TIAM1: variants seen among roughly 807,000 people sequenced by gnomAD.
TIAM1 encodes the protein rho guanine nucleotide exchange factor TIAM1.
Under a neutral mutation model 163.5 loss-of-function variants are expected in TIAM1, and 65 were observed. The ratio of observed to expected loss-of-function variants is 0.40; its 90% confidence interval spans 0.33 to 0.49. TIAM1 has a LOEUF of 0.49. Among genes scored for constraint, TIAM1 ranks in the 20% least tolerant of loss-of-function variants. The probability of loss-of-function intolerance (pLI) is 0.77; values close to 1 mark genes in which losing one functional copy is unlikely to be tolerated. For missense variants in TIAM1, 1,789 were observed against 2,044.7 expected (o/e 0.87, Z 2.41); for synonymous variants, 833 against 810.1 (o/e 1.03, Z -0.48).
chr21:31,258,631 A>G (rs915364614), intron 4 of TIAM1, among the ~76,000 whole-genome samples: 1 of 152,154 alleles, frequency 6.6e-6, no homozygotes, highest in Non-Finnish European at 1.5e-5. Flanking sequence ...AGAGATCTAG[A>G]CCATCCTGGC....
At chr21:31,377,617 T>C (rs2076709545) in intron 2 of TIAM1, among the ~76,000 whole-genome samples, 2 of 152,182 alleles carry the variant, frequency 1.3e-5, no homozygotes, top group Admixed American at 1.3e-4. Context: ...TTTATTCTTT[T>C]TGTCTCATTG....
intron 1 of TIAM1, among the ~76,000 whole-genome samples, chr21:31,498,933 G>A (rs987435505): frequency 2.2e-5 from 3 of 136,794 alleles, no homozygotes; most frequent in Admixed American, 7.8e-5. Context: ...GCTACAGAGC[G>A]AGACTCCATC....
At chr21:31,261,840 C>A (rs1601744736) in intron 4 of TIAM1, among the ~76,000 whole-genome samples, 1 of 152,194 alleles carries the variant, frequency 6.6e-6, no homozygotes, top group Non-Finnish European at 1.5e-5. Context: ...CAGCACCACA[C>A]CTGGCTAGGG....
intron 1 of TIAM1, among the ~76,000 whole-genome samples, chr21:31,533,561 C>A (rs2048034857): frequency 6.6e-6 from 1 of 151,762 alleles, no homozygotes; most frequent in Non-Finnish European, 1.5e-5. Context: ...CAAGACAAGC[C>A]CACTTACAAA....
intron 1 of TIAM1, among the ~76,000 whole-genome samples, chr21:31,499,824 TGGGCAACAGAAC>T (rs2046789655): frequency 6.7e-6 from 1 of 149,592 alleles, no homozygotes; most frequent in Non-Finnish European, 1.5e-5. Flanking sequence ...CACTCCAGCC[TGGGCAACAGAAC>T]AAGACTCCGT....
chr21:31,407,973 T>A (rs140693796), intron 2 of TIAM1, among the ~76,000 whole-genome samples: 1 of 152,144 alleles, frequency 6.6e-6, no homozygotes, highest in East Asian at 1.9e-4. Context: ...AAGGAATCAG[T>A]GAATGGCTGA....
chr21:31,544,469 A>T (rs1369342908), intron 1 of TIAM1, among the ~76,000 whole-genome samples: 1 of 150,492 alleles, frequency 6.6e-6, no homozygotes, highest in Admixed American at 6.6e-5. Context: ...CCCCTACAAA[A>T]ATACAAAAAT....
chr21:31,187,238 T>C, intron 13 of TIAM1, 151 bp from the exon 14 acceptor site: 1 of 694,058 alleles, frequency 1.4e-6, no homozygotes, highest in South Asian at 1.9e-5. Context: ...AGCAGAAAAG[T>C]GTATTTTTAG....
chr21:31,182,481 G>T lies in TIAM1; in HGVS notation c.2827C>A (p.Arg943=), dbSNP rs768372278. ...GVELLESPPH[R]VDGPADLGES... is the part of the protein sequence containing the mutation. ...CCAAGGTCGGCAGGGCCGTCCACTC[G>T]GTGGGGCGGGCTTTCCAGCAGCTCC... is the stretch of plus-strand genomic sequence containing the variant. The change falls in exon 15 of 28, where the codon CGA becomes AGA. Residue 943 remains arginine (R), a synonymous_variant. Transcript: ENST00000541036. 6.2e-7 allele frequency: 1 copy of T among 1,611,170 alleles called. No individual in the cohort carries two copies.
At chr21:31,231,352 G>A (rs1319134669) in intron 6 of TIAM1, among the ~76,000 whole-genome samples, 3 of 152,086 alleles carry the variant, frequency 2.0e-5, no homozygotes, top group East Asian at 1.9e-4. Context: ...CAAACATAAC[G>A]GAGTCTGTGT....
At chr21:31,400,126 T>C (rs2077140408) in intron 2 of TIAM1, among the ~76,000 whole-genome samples, 1 of 152,062 alleles carries the variant, frequency 6.6e-6, no homozygotes. Flanking sequence ...CACTCTTTTT[T>C]TTTTTCCTTT....
intron 2 of TIAM1, chr21:31,452,570 C>G: frequency 1.7e-6 from 1 of 600,280 alleles, no homozygotes; most frequent in Non-Finnish European, 3.1e-6. Flanking sequence ...CACACAAACT[C>G]TGTACTTCCT....
intron 3 of TIAM1, among the ~76,000 whole-genome samples, chr21:31,268,293 T>G (rs1372178704): frequency 2.0e-5 from 3 of 152,162 alleles, no homozygotes; most frequent in African/African-American, 7.2e-5. Flanking sequence ...GGAAGGCACG[T>G]GATAGACAAG....
chr21:31,495,633 T>C (rs941976252), intron 1 of TIAM1, among the ~76,000 whole-genome samples: 7 of 152,190 alleles, frequency 4.6e-5, no homozygotes, highest in African/African-American at 1.4e-4. Context: ...ACGATGACAT[T>C]TCAGTCAGTG....
chr21:31,324,970 A>C (rs1167317329), intron 2 of TIAM1, among the ~76,000 whole-genome samples: 1 of 152,132 alleles, frequency 6.6e-6, no homozygotes, highest in Non-Finnish European at 1.5e-5. Context: ...GTAATAACCA[A>C]AGGAAAGAAC....
chr21:31,403,840 A>G (rs566069620), intron 2 of TIAM1, among the ~76,000 whole-genome samples: 6 of 152,146 alleles, frequency 3.9e-5, no homozygotes, highest in Non-Finnish European at 7.4e-5. Flanking sequence ...GCCCTCAAAG[A>G]CTTCCTAGTC....
intron 2 of TIAM1, among the ~76,000 whole-genome samples, chr21:31,365,335 A>G (rs1307500434): frequency 2.0e-5 from 3 of 150,966 alleles, no homozygotes; most frequent in East Asian, 1.9e-4. Context: ...GTCTTGTCCA[A>G]TGGGATATAG....
chr21:31,503,178 T>G (rs1285910824), intron 1 of TIAM1, among the ~76,000 whole-genome samples: 3 of 151,848 alleles, frequency 2.0e-5, no homozygotes, highest in African/African-American at 7.3e-5. Flanking sequence ...GTGGGTCGTT[T>G]GAGATCAGGA....
At chr21:31,184,787 C>T (rs2085200572) in intron 14 of TIAM1, among the ~76,000 whole-genome samples, 1 of 152,080 alleles carries the variant, frequency 6.6e-6, no homozygotes, top group African/African-American at 2.4e-5. Context: ...CTGCCTATGG[C>T]CTAGAAAGTA....
Sources: gnomAD v4.1 joint callset for allele counts (sites outside exome capture counted in the v4.1 genomes callset) on GRCh38, gnomAD v4.1.1 for gene constraint, MANE v1.5 for transcripts, NCBI Gene and HGNC (gene_info 2026-07-23, HGNC 2026-07-21) for gene names.